The following ANO7 variants were observed in gnomAD, a reference collection of about 807,000 sequenced individuals.
ANO7 encodes anoctamin 7.
Under a neutral mutation model 115.8 loss-of-function variants are expected in ANO7, and 114 were observed. The ratio of observed to expected loss-of-function variants is 0.98; its 90% CI spans 0.85 to 1.15. ANO7 has a LOEUF of 1.15. Ranked by LOEUF, ANO7 falls within the 50% of genes most tolerant of loss-of-function variation. ANO7 has a pLI of 0.00. For synonymous variants in ANO7, 550 were observed against 498.2 expected (o/e 1.10, Z -1.38); for missense variants, 1,302 against 1,201.2 (o/e 1.08, Z -1.24).
chr2:241,217,091 C>G (rs1185061115), intron 19 of ANO7, among the ~76,000 whole-genome samples: 2 of 152,250 alleles, frequency 1.3e-5, no homozygotes, highest in African/African-American at 4.8e-5. Flanking sequence ...CCTCAGCCTC[C>G]CAAAGTGCTG....
rs1181729407 is a variant in ANO7, at chr2:241,212,122, G to A, written c.1590G>A (p.Glu530=). 1 of 1,614,040 alleles carries A rather than the reference G, an allele frequency of 6.2e-7. No homozygotes were observed. Among genetic ancestry groups the A allele is most frequent in the South Asian group, 1.1e-5 (1 of 91,080 alleles). ...WEMHRTQTKF[E]DAFTLKVFIF... The stretch of plus-strand genomic sequence containing the variant: ...TGCACCGCACCCAGACCAAGTTCGA[G>A]GACGCCTTCACCCTCAAGGTGTTCA... Residue 530 remains glutamate (E), a synonymous_variant, in exon 16 of 25, where the codon GAG becomes GAA. Transcript: ENST00000674324.
intron 5 of ANO7, among the ~76,000 whole-genome samples, 200 bp downstream of exon 5, chr2:241,199,623 C>T (rs1324192092): frequency 3.9e-5 from 6 of 152,186 alleles, no homozygotes; most frequent in Non-Finnish European, 5.9e-5. Flanking sequence ...AGTGGGCTCC[C>T]GGGAGGTGGG....
Position 241,203,840 on chromosome 2 carries a change from T to C in ANO7, c.889+342T>C, listed in dbSNP as rs1391444543. Among the ~76,000 whole-genome samples, 4 of 152,048 alleles carry C rather than the reference T, an allele frequency of 2.6e-5. No homozygotes were observed. The highest frequency in any genetic ancestry group is 4.4e-5 in the Non-Finnish European group (3 of 67,986). On this transcript the variant is annotated intron_variant, in intron 9 of 24. Coordinates refer to ENST00000674324, the MANE Select transcript of ANO7 (RefSeq NM_001370694.2). This position sits in a 1 kb window ranked among gnomAD's most constrained non-coding sequence, Gnocchi z 4.8. ...ACTTCCATCCTAGGGAGGTCGCCCC[T>C]GCCTGGGTCCAGGCCAAGCCTCTCA...
intron 11 of ANO7, among the ~76,000 whole-genome samples, chr2:241,208,343 G>C (rs1412780548): frequency 6.6e-6 from 1 of 152,228 alleles, no homozygotes; most frequent in Non-Finnish European, 1.5e-5. Flanking sequence ...TGGGGACTCA[G>C]CCCCAGGCCT....
At chr2:241,234,037 TG>T in the ANO7 span, 19 of 1,543,662 alleles carry the variant, frequency 1.2e-5, no homozygotes, top group Non-Finnish European at 1.5e-5. Context: ...CCTTCCACCC[TG>T]GTCATAGGAC....
At chr2:241,204,780 G>C (rs1305121085) in intron 9 of ANO7, 85 bp from the exon 10 acceptor site, 1 of 1,026,860 alleles carries the variant, frequency 9.7e-7, no homozygotes, top group African/African-American at 1.6e-5. Flanking sequence ...GTGGTCCCTA[G>C]GGGACAAGCA....
Position 241,214,878 on chromosome 2 carries a change from A to G in ANO7, c.1802A>G (p.Asn601Ser), listed in dbSNP as rs779886895. 6.2e-7 allele frequency: 1 copy of G among 1,612,896 alleles called. No individual in the cohort carries two copies. Among genetic ancestry groups the G allele is most frequent in the Admixed American group, 1.7e-5 (1 of 59,994 alleles). Reference sequence around the variant, plus strand: ...ATCATGGTGGGCAAGCAGGTCATCAACAACATGCAGGAGGTCCTCATCCCG... The same window carrying G: ...ATCATGGTGGGCAAGCAGGTCATCAGCAACATGCAGGAGGTCCTCATCCCG... ...LVIMVGKQVI[N>S]NMQEVLIPKL... The change falls in exon 18 of 25, where the codon AAC (asparagine) becomes AGC (serine). Residue 601 changes from asparagine to serine, a missense_variant. Asn to Ser is a conservative substitution (Grantham distance 46). Transcript: ENST00000674324.
intron 17 of ANO7, 182 bp downstream of exon 17, chr2:241,212,808 G>C: frequency 1.6e-6 from 1 of 626,614 alleles, no homozygotes; most frequent in Non-Finnish European, 2.8e-6. Flanking sequence ...CACTTATTCT[G>C]ACCCCCGATA....
At chr2:241,201,012 C>T (rs2011792) in intron 6 of ANO7, among the ~76,000 whole-genome samples, 13 of 152,242 alleles carry the variant, frequency 8.5e-5, no homozygotes, top group East Asian at 3.9e-4. Flanking sequence ...TGCTTCCCCC[C>T]ACCCTGTGTG....
chr2:241,191,080 G>A, intron 2 of ANO7, 114 bp from the exon 3 acceptor site: 2 of 1,170,044 alleles, frequency 1.7e-6, no homozygotes, highest in South Asian at 2.7e-5. Context: ...GTGTTCTGGG[G>A]CAGGGCGGGG....
At chr2:241,212,362 C>A (rs2068736556) in intron 16 of ANO7, among the ~76,000 whole-genome samples, 157 bp downstream of exon 16, 1 of 152,210 alleles carries the variant, frequency 6.6e-6, no homozygotes, top group Admixed American at 6.5e-5. Context: ...TGCCTCCTGG[C>A]ACCTCTGAGC....
rs759101130 is a variant in ANO7, at chr2:241,212,555, T to A, written c.1674-17T>A. 82 of 1,611,650 alleles carry A rather than the reference T, an allele frequency of 5.1e-5. No individual in the cohort carries two copies. The highest frequency in any genetic ancestry group is 6.4e-5 in the Non-Finnish European group (76 of 1,178,920). Reference sequence around the variant, plus strand: ...GGAAGGATCCCATCAAGGCTCATGATCTTGACTTTCTCCTAGGTTTGTGGG... The same window carrying A: ...GGAAGGATCCCATCAAGGCTCATGAACTTGACTTTCTCCTAGGTTTGTGGG... On this transcript the variant is annotated splice_polypyrimidine_tract_variant and intron_variant, in intron 16 of 24. Coordinates refer to ENST00000674324, the MANE Select transcript of ANO7 (RefSeq NM_001370694.2).
At position 241,202,154 on chromosome 2, in the gene ANO7, C is replaced by T. The variant is rs113677632; in HGVS notation, c.613-40C>T. 3.1e-4 allele frequency: 490 copies of T among 1,563,098 alleles called. 1 individual carries two copies. The highest frequency in any genetic ancestry group is 3.7e-4 in the Admixed American group (22 of 59,452). ...CTAGGACTTCCCTGTTCTGCTATCA[C>T]GTGACAAGTGACCTGCGCCATCCTC... is the stretch of plus-strand genomic sequence containing the variant. On this transcript the variant is annotated intron_variant, in intron 7 of 24. Transcript: ENST00000674324.
the ANO7 span, among the ~76,000 whole-genome samples, chr2:241,239,405 A>G: frequency 6.6e-6 from 1 of 151,388 alleles, no homozygotes; most frequent in African/African-American, 2.4e-5. This position sits in a 1 kb window ranked among gnomAD's most constrained non-coding sequence, Gnocchi z 4.6. Context: ...TCTCGCAGGC[A>G]GAATTCTCAC....
chr2:241,199,215 C>A, intron 4 of ANO7, 101 bp from the exon 5 acceptor site: 2 of 1,030,924 alleles, frequency 1.9e-6, no homozygotes, highest in Non-Finnish European at 3.0e-6. Flanking sequence ...ACCACGGCTA[C>A]AGAAATGCCA....
In ANO7 at chr2:241,202,217, C is replaced by T. The variant is rs759020668; in HGVS notation, c.636C>T (p.Thr212=). The change falls in exon 8 of 25, where the codon ACC becomes ACT. Residue 212 remains threonine (T), a synonymous_variant. Transcript: ENST00000674324. The part of the protein sequence containing the change: ...HQILFEILAK[T]PYGHEKKNLL... ...AGCTGTTTGAGATCCTGGCCAAGACCCCGTATGGCCACGAGAAGAAAAACC... is the reference window on the plus strand; with the variant it reads ...AGCTGTTTGAGATCCTGGCCAAGACTCCGTATGGCCACGAGAAGAAAAACC... 1.2e-6 allele frequency: 2 copies of T among 1,613,848 alleles called. No individual in the cohort carries two copies.
At chr2:241,205,409 A>T (rs2068568976) in intron 10 of ANO7, among the ~76,000 whole-genome samples, 1 of 141,436 alleles carries the variant, frequency 7.1e-6, no homozygotes, top group African/African-American at 2.7e-5. Flanking sequence ...GGTAGCTAGG[A>T]CTGCTCTCAG....
At chr2:241,233,366 A>C in the ANO7 span, among the ~76,000 whole-genome samples, 1 of 152,158 alleles carries the variant, frequency 6.6e-6, no homozygotes, top group Non-Finnish European at 1.5e-5. This position sits in a 1 kb window ranked among gnomAD's most constrained non-coding sequence, Gnocchi z 4.3. Context: ...ATTTGGAGGA[A>C]GTAACAACAA....
At chr2:241,236,985 G>C in the ANO7 span, among the ~76,000 whole-genome samples, 2,610 of 148,234 alleles carry the variant, frequency 0.018, 186 homozygotes, top group African/African-American at 0.06. Context: ...CTTGGGGGGG[G>C]GGGGGGGGGC....
Sources: gnomAD v4.1 joint callset for allele counts (sites outside exome capture counted in the v4.1 genomes callset) on GRCh38, gnomAD v4.1.1 for gene constraint, Gnocchi (gnomAD v3.1) non-coding constraint, MANE v1.5 for transcripts, NCBI Gene and HGNC (gene_info 2026-07-23, HGNC 2026-07-21) for gene names.